RARB: variants seen among roughly 807,000 people sequenced by gnomAD.
RARB encodes the protein HBV-activated protein.
A neutral mutation model predicts 51.9 loss-of-function variants in RARB; 17 were observed. The ratio of observed to expected loss-of-function variants is 0.33; its 90% confidence interval spans 0.22 to 0.49. The LOEUF (loss-of-function observed/expected upper bound fraction) is 0.49. Ranked by LOEUF, RARB falls within the 20% of genes least tolerant of loss-of-function variation. RARB has a pLI of 0.99. For missense variants in RARB, 369 were observed against 550.8 expected (o/e 0.67, Z 3.30); for synonymous variants, 215 against 195.4 (o/e 1.10, Z -0.84).
intron 2 of RARB, among the ~76,000 whole-genome samples, chr3:25,017,463 C>T (rs1365806145): frequency 6.6e-6 from 1 of 151,900 alleles, no homozygotes; most frequent in Non-Finnish European, 1.5e-5. Flanking sequence ...GAGAAGGATT[C>T]TGAAGGTCAG....
intron 1 of RARB, among the ~76,000 whole-genome samples, chr3:24,852,332 C>T (rs1702570923): frequency 1.3e-5 from 2 of 152,172 alleles, no homozygotes; most frequent in Admixed American, 6.5e-5. Flanking sequence ...TGTGGCTCCA[C>T]ACCGAACCCA....
At chr3:25,319,971 C>G (rs1704523194) in intron 5 of RARB, among the ~76,000 whole-genome samples, 1 of 151,542 alleles carries the variant, frequency 6.6e-6, no homozygotes, top group South Asian at 2.1e-4. Context: ...GTAAATCAGT[C>G]TTTCTGGAAC....
At chr3:25,337,153 C>T (rs1470262481) in intron 5 of RARB, among the ~76,000 whole-genome samples, 2 of 152,104 alleles carry the variant, frequency 1.3e-5, no homozygotes, top group African/African-American at 4.8e-5. Flanking sequence ...AAGAAATGTA[C>T]ATTTTGCTCA....
intron 5 of RARB, among the ~76,000 whole-genome samples, chr3:25,370,235 C>A (rs1360122410): frequency 6.6e-6 from 1 of 152,022 alleles, no homozygotes; most frequent in African/African-American, 2.4e-5. Flanking sequence ...TTATAATTTT[C>A]TTTTTAAATA....
chr3:24,884,580 G>A (rs1223622694), intron 2 of RARB, among the ~76,000 whole-genome samples: 1 of 152,104 alleles, frequency 6.6e-6, no homozygotes, highest in East Asian at 1.9e-4. Flanking sequence ...ATCTATTTTA[G>A]TGCTTTTGCC....
At position 25,428,836 on chromosome 3, in the gene RARB, A is replaced by G; in HGVS notation, c.105A>G (p.Ala35=). The change falls in exon 1 of 8, where the codon GCA becomes GCG. Residue 35 remains alanine, a synonymous_variant. Transcript: ENST00000330688. Reference sequence around the variant, plus strand: ...TGCTCCAGGAGAAAGCTCTCAAAGCATGCTTCAGTGGATTGACCCAAACCG... The same window carrying G: ...TGCTCCAGGAGAAAGCTCTCAAAGCGTGCTTCAGTGGATTGACCCAAACCG... The part of the protein sequence containing the change: ...SCMLQEKALK[A]CFSGLTQTEW... 6.2e-7 allele frequency: 1 copy of G among 1,614,130 alleles called. No homozygotes were observed. Among genetic ancestry groups the G allele is most frequent in the Non-Finnish European group, 8.5e-7 (1 of 1,179,998 alleles).
intron 1 of RARB, among the ~76,000 whole-genome samples, chr3:25,459,919 A>G (rs1235352515): frequency 1.3e-5 from 2 of 152,224 alleles, no homozygotes; most frequent in Non-Finnish European, 2.9e-5. Flanking sequence ...TTTACCTGTG[A>G]TAGAAGTACA....
intron 1 of RARB, among the ~76,000 whole-genome samples, chr3:24,852,695 G>A (rs771409490): frequency 5.3e-5 from 8 of 152,172 alleles, no homozygotes; most frequent in African/African-American, 2.4e-5. Context: ...GATATGTGCT[G>A]CAACATAGAT....
At chr3:25,395,314 C>T (rs766873809) in intron 5 of RARB, among the ~76,000 whole-genome samples, 2 of 152,140 alleles carry the variant, frequency 1.3e-5, no homozygotes, top group Non-Finnish European at 2.9e-5. Context: ...GACGCTTTTG[C>T]CTCACAGCTC....
chr3:25,545,550 C>G (rs958441716), intron 3 of RARB, among the ~76,000 whole-genome samples: 7 of 152,332 alleles, frequency 4.6e-5, no homozygotes, highest in Admixed American at 3.9e-4. Flanking sequence ...TCTCCACTCT[C>G]ATTCCCTCCG....
intron 5 of RARB, among the ~76,000 whole-genome samples, chr3:25,250,460 C>G (rs1702684426): frequency 6.6e-6 from 1 of 152,104 alleles, no homozygotes; most frequent in Admixed American, 6.5e-5. Flanking sequence ...AAACAGGCAG[C>G]TGGGGAATGA....
chr3:25,203,606 A>T (rs192863344), intron 5 of RARB, among the ~76,000 whole-genome samples: 1 of 152,038 alleles, frequency 6.6e-6, no homozygotes, highest in East Asian at 1.9e-4. Context: ...TTCCTTCAGG[A>T]GCTCTTGTAG....
At chr3:25,594,320 T>C (rs1701727229) in intron 6 of RARB, among the ~76,000 whole-genome samples, 200 bp from the exon 7 acceptor site, 1 of 152,082 alleles carries the variant, frequency 6.6e-6, no homozygotes, top group Non-Finnish European at 1.5e-5. Context: ...GGCATCAAAA[T>C]GTTTATACTA....
intron 5 of RARB, among the ~76,000 whole-genome samples, chr3:25,284,532 T>G (rs1421962876): frequency 6.6e-6 from 1 of 152,132 alleles, no homozygotes; most frequent in Non-Finnish European, 1.5e-5. Flanking sequence ...CTGAGTGGCC[T>G]CAAACAACAG....
intron 5 of RARB, among the ~76,000 whole-genome samples, chr3:25,360,840 G>C (rs1365039779): frequency 2.6e-5 from 4 of 152,190 alleles, no homozygotes; most frequent in Non-Finnish European, 5.9e-5. Flanking sequence ...TTTCTGCAGA[G>C]AGATCCACTG....
chr3:25,241,174 T>C (rs1702421948), intron 5 of RARB, among the ~76,000 whole-genome samples: 1 of 152,362 alleles, frequency 6.6e-6, no homozygotes, highest in East Asian at 1.9e-4. Flanking sequence ...AGTTGTAATA[T>C]AATGGGCATT....
chr3:24,944,408 A>G (rs1357072077), intron 2 of RARB, among the ~76,000 whole-genome samples: 1 of 152,222 alleles, frequency 6.6e-6, no homozygotes, highest in Non-Finnish European at 1.5e-5. Context: ...CTATGTATTC[A>G]ATATTTGATT....
upstream of RARB, among the ~76,000 whole-genome samples, chr3:25,427,355 G>A (rs9827454): frequency 4.8e-3 from 731 of 152,278 alleles, 3 homozygotes; most frequent in African/African-American, 0.016. Context: ...ACTGACGTGG[G>A]TAGTATTATA....
At chr3:24,884,566 A>T (rs775783655) in intron 2 of RARB, among the ~76,000 whole-genome samples, 1 of 152,180 alleles carries the variant, frequency 6.6e-6, no homozygotes, top group Admixed American at 6.5e-5. Context: ...CTGGATTTTT[A>T]AAAATCTATT....
Sources: allele counts gnomAD v4.1 joint callset (sites outside exome capture counted in the v4.1 genomes callset), GRCh38; gene constraint gnomAD v4.1.1; transcripts MANE v1.5; gene names NCBI Gene and HGNC (gene_info 2026-07-23, HGNC 2026-07-21).